The following SLC44A1 variants were observed in gnomAD, a reference collection of about 807,000 sequenced individuals.
SLC44A1 encodes choline transporter-like protein 1.
In SLC44A1, 26 loss-of-function variants were observed where a neutral mutation model predicts 79.3. The ratio of observed to expected loss-of-function variants is 0.33; its 90% confidence interval spans 0.24 to 0.46. The LOEUF (loss-of-function observed/expected upper bound fraction) is 0.46. SLC44A1 is among the 20% of genes least tolerant of loss of function. The pLI is 1.00. For synonymous variants in SLC44A1, 263 were observed against 286.2 expected (o/e 0.92, Z 0.82); for missense variants, 688 against 798.1 (o/e 0.86, Z 1.66).
At chr9:105,332,004 A>C (rs1826764434) in intron 3 of SLC44A1, among the ~76,000 whole-genome samples, 2 of 152,178 alleles carry the variant, frequency 1.3e-5, no homozygotes, top group South Asian at 4.1e-4. Flanking sequence ...TGTTAATAGA[A>C]TCTGAACCTA....
intron 3 of SLC44A1, among the ~76,000 whole-genome samples, chr9:105,314,005 CT>C (rs1351578577): frequency 6.6e-6 from 1 of 152,120 alleles, no homozygotes; most frequent in Non-Finnish European, 1.5e-5. Flanking sequence ...CTCAGGCAAT[CT>C]GTCCACCTCG....
intron 1 of SLC44A1, among the ~76,000 whole-genome samples, chr9:105,283,371 G>T (rs1830403418): frequency 1.3e-5 from 2 of 152,156 alleles, no homozygotes; most frequent in African/African-American, 4.8e-5. Flanking sequence ...TACTTGGTGT[G>T]GTTTAGGTTT....
intron 1 of SLC44A1, among the ~76,000 whole-genome samples, chr9:105,249,920 G>A (rs1829543981): frequency 6.8e-6 from 1 of 146,954 alleles, no homozygotes. Flanking sequence ...CCAGGCTAGA[G>A]TGCAATGGCA....
intron 1 of SLC44A1, among the ~76,000 whole-genome samples, chr9:105,272,772 T>C (rs1830106962): frequency 6.6e-6 from 1 of 152,110 alleles, no homozygotes; most frequent in African/African-American, 2.4e-5. Flanking sequence ...AAATTCAATT[T>C]GTGTAGCATT....
intron 15 of SLC44A1, among the ~76,000 whole-genome samples, chr9:105,421,820 C>T (rs1311469349): frequency 2.0e-5 from 3 of 152,140 alleles, no homozygotes; most frequent in Non-Finnish European, 4.4e-5. Flanking sequence ...ATCTCCTGAC[C>T]TCTTGATCCA....
In SLC44A1 at chr9:105,392,855, C is replaced by T; in HGVS notation, c.*3799C>T. The T allele has an allele frequency of 1.0e-6, 1 of 985,308 alleles. No homozygotes were observed. The highest frequency in any genetic ancestry group is 4.7e-5 in the South Asian group (1 of 21,282). 61.0% of individuals were successfully genotyped at this position (985,308 alleles called of 1,614,324 possible). On this transcript the variant is annotated 3_prime_UTR_variant, in exon 16 of 16. Transcript: ENST00000374720. ...AACCTTGTCATTTAAATTGGACTTT[C>T]CAATAGCCTTAACATGGCCTCTGAG...
intron 4 of SLC44A1, among the ~76,000 whole-genome samples, chr9:105,336,816 A>G (rs1011196083): frequency 1.3e-5 from 2 of 152,182 alleles, no homozygotes; most frequent in African/African-American, 4.8e-5. Flanking sequence ...TGCCCTCAGC[A>G]TAGGATAACA....
chr9:105,323,576 T>C (rs1234819786), intron 3 of SLC44A1, among the ~76,000 whole-genome samples: 2 of 152,350 alleles, frequency 1.3e-5, no homozygotes, highest in East Asian at 1.9e-4. Flanking sequence ...TAACTGTTGT[T>C]TATTATAATC....
intron 2 of SLC44A1, among the ~76,000 whole-genome samples, chr9:105,299,571 A>T (rs1830822406): frequency 6.6e-6 from 1 of 152,250 alleles, no homozygotes; most frequent in Non-Finnish European, 1.5e-5. Context: ...TAGAGTGGTG[A>T]GCAAAACAGT....
chr9:105,244,737 G>A lies in SLC44A1; in HGVS notation c.-132G>A. The A allele has an allele frequency of 2.5e-6, 1 of 398,246 alleles. No homozygotes were observed. Among genetic ancestry groups the A allele is most frequent in the Non-Finnish European group, 3.9e-6 (1 of 254,494 alleles). 24.7% of individuals were successfully genotyped at this position (398,246 alleles called of 1,614,324 possible). A position where few individuals can be genotyped will look rare whatever the true frequency, so the allele number is the denominator to read the frequency against. On this transcript the variant is annotated 5_prime_UTR_variant, in exon 1 of 16. Transcript: ENST00000374720. ...CGCCTCTTGAGTACCAGCCGCCGCTGCAGCCGCCGCCGCCGCCTAGCCGTG... is the reference window on the plus strand; with the variant it reads ...CGCCTCTTGAGTACCAGCCGCCGCTACAGCCGCCGCCGCCGCCTAGCCGTG...
intron 12 of SLC44A1, among the ~76,000 whole-genome samples, chr9:105,367,162 T>G (rs1827967059): frequency 6.6e-6 from 1 of 152,078 alleles, no homozygotes; most frequent in South Asian, 2.1e-4. Context: ...ACTTTTCCAT[T>G]CCCTAAAAAT....
chr9:105,361,133 A>G (rs1827765067), intron 7 of SLC44A1, 58 bp from the exon 8 acceptor site: 5 of 1,541,294 alleles, frequency 3.2e-6, no homozygotes, highest in Non-Finnish European at 4.5e-6. Flanking sequence ...TTGAGAATTT[A>G]TGTTACACAT....
At chr9:105,249,075 G>T (rs10991598) in intron 1 of SLC44A1, among the ~76,000 whole-genome samples, 33,617 of 152,024 alleles carry the variant, frequency 0.22, 6,828 homozygotes, top group African/African-American at 0.54. Context: ...TCTGTCTAGC[G>T]TTAGGAGACA....
intron 3 of SLC44A1, among the ~76,000 whole-genome samples, chr9:105,330,085 A>G (rs577873356): frequency 1.3e-3 from 198 of 152,274 alleles, no homozygotes; most frequent in Non-Finnish European, 2.2e-3. Flanking sequence ...TACACCTAGT[A>G]ATGTTTGTTA....
chr9:105,389,029 C>G lies in SLC44A1; in HGVS notation c.1951-4C>G, dbSNP rs779598777. On this transcript the variant is annotated splice_polypyrimidine_tract_variant and splice_region_variant and intron_variant, in intron 15 of 15. Coordinates refer to ENST00000374720, the MANE Select transcript of SLC44A1 (RefSeq NM_080546.5). ...ATTATACTCTGTATGACTTTGTTTT[C>G]TAGGCTTCGGGAGCAAGTTCTGCTT... 4.3e-6 allele frequency: 7 copies of G among 1,611,964 alleles called. No homozygotes were observed. In the Admixed American group the frequency reaches 1.2e-4, roughly 27 times the overall value.
chr9:105,349,760 T>TTCAA, intron 5 of SLC44A1, among the ~76,000 whole-genome samples: 1 of 152,334 alleles, frequency 6.6e-6, no homozygotes, highest in South Asian at 2.1e-4. Context: ...TCTTTGAATA[T>TTCAA]AGAATCATGC....
intron 15 of SLC44A1, among the ~76,000 whole-genome samples, chr9:105,424,171 C>T (rs573025107): frequency 6.6e-6 from 1 of 152,202 alleles, no homozygotes; most frequent in Non-Finnish European, 1.5e-5. Flanking sequence ...TTGCCCTCCT[C>T]TCTCTGGTCC....
At chr9:105,267,989 G>A (rs926259319) in intron 1 of SLC44A1, among the ~76,000 whole-genome samples, 1 of 152,132 alleles carries the variant, frequency 6.6e-6, no homozygotes, top group Non-Finnish European at 1.5e-5. Context: ...TATTAATCTG[G>A]CTGCCAGAGT....
intron 15 of SLC44A1, among the ~76,000 whole-genome samples, chr9:105,406,188 A>G (rs1276064279): frequency 6.6e-6 from 1 of 151,964 alleles, no homozygotes; most frequent in Admixed American, 6.6e-5. Context: ...CTGACCATAA[A>G]CTAACAAAAC....
Sources: allele counts gnomAD v4.1 joint callset (sites outside exome capture counted in the v4.1 genomes callset), GRCh38; gene constraint gnomAD v4.1.1; transcripts MANE v1.5; gene names NCBI Gene and HGNC (gene_info 2026-07-23, HGNC 2026-07-21).